The following ZNF385B variants were observed in gnomAD, a reference collection of about 807,000 sequenced individuals.
ZNF385B encodes zinc finger protein 533.
ZNF385B carries 23 observed loss-of-function variants against 39.2 expected under a neutral mutation model. The observed-to-expected ratio is 0.59, with a 90% CI of 0.42 to 0.83. ZNF385B has a LOEUF of 0.83. Ranked by LOEUF, ZNF385B falls within the 40% of genes least tolerant of loss-of-function variation. The pLI is 0.00. For synonymous variants in ZNF385B, 205 were observed against 222.6 expected (o/e 0.92, Z 0.70); for missense variants, 552 against 598.9 (o/e 0.92, Z 0.82).
chr2:179,761,378 T>C (rs774643213), intron 3 of ZNF385B, among the ~76,000 whole-genome samples: 1 of 152,222 alleles, frequency 6.6e-6, no homozygotes, highest in Non-Finnish European at 1.5e-5. Flanking sequence ...TCCTGATTTC[T>C]AAACACGTGG....
intron 3 of ZNF385B, among the ~76,000 whole-genome samples, chr2:179,579,740 T>C (rs1486933558): frequency 6.6e-6 from 1 of 152,152 alleles, no homozygotes; most frequent in African/African-American, 2.4e-5. Flanking sequence ...TGAATAGGAT[T>C]TGATATGTGC....
At chr2:179,644,998 T>A (rs553404658) in intron 3 of ZNF385B, among the ~76,000 whole-genome samples, 36 of 152,348 alleles carry the variant, frequency 2.4e-4, no homozygotes, top group African/African-American at 8.4e-4. Flanking sequence ...TTCCCATTAT[T>A]ATTTATTGGC....
chr2:179,795,539 G>GC (rs543226155), intron 1 of ZNF385B, among the ~76,000 whole-genome samples: 528 of 152,206 alleles, frequency 3.5e-3, no homozygotes, highest in South Asian at 7.5e-3. Flanking sequence ...CAAAGAGATA[G>GC]CCATAGCTTC....
At chr2:179,690,681 A>T (rs776495695) in intron 3 of ZNF385B, among the ~76,000 whole-genome samples, 5 of 152,184 alleles carry the variant, frequency 3.3e-5, no homozygotes, top group Non-Finnish European at 7.4e-5. Flanking sequence ...CATTTTCACC[A>T]CTTACTATGT....
At chr2:179,591,297 C>T (rs1043985412) in intron 3 of ZNF385B, among the ~76,000 whole-genome samples, 2 of 151,090 alleles carry the variant, frequency 1.3e-5, no homozygotes, top group Non-Finnish European at 2.9e-5. Flanking sequence ...TTTCAGCTTT[C>T]CAGTAGTTCT....
intron 1 of ZNF385B, among the ~76,000 whole-genome samples, chr2:179,831,829 T>C (rs1708003951): frequency 2.0e-5 from 3 of 152,228 alleles, no homozygotes. Flanking sequence ...CATCTGTCTC[T>C]TGAGATCTCA....
intron 5 of ZNF385B, among the ~76,000 whole-genome samples, chr2:179,494,773 G>A (rs1393875449): frequency 6.6e-6 from 1 of 151,962 alleles, no homozygotes; most frequent in Non-Finnish European, 1.5e-5. Flanking sequence ...ACATATATGT[G>A]TATTTTTTCT....
intron 1 of ZNF385B, among the ~76,000 whole-genome samples, chr2:179,804,501 G>A (rs1001806287): frequency 6.6e-6 from 1 of 152,284 alleles, no homozygotes; most frequent in East Asian, 1.9e-4. Flanking sequence ...AGCAGTGGGG[G>A]AGAAGGTACT....
chr2:179,829,979 G>A, intron 1 of ZNF385B, among the ~76,000 whole-genome samples: 1 of 152,160 alleles, frequency 6.6e-6, no homozygotes, highest in East Asian at 1.9e-4. Context: ...ACATATATGT[G>A]ATAAAGAACT....
At chr2:179,496,248 T>G (rs1326641262) in intron 5 of ZNF385B, among the ~76,000 whole-genome samples, 2 of 151,968 alleles carry the variant, frequency 1.3e-5, no homozygotes, top group Non-Finnish European at 2.9e-5. Context: ...AAGAAAGAAT[T>G]AGTGAGCTTG....
At chr2:179,463,756 T>C (rs2051645249) in intron 6 of ZNF385B, among the ~76,000 whole-genome samples, 1 of 152,242 alleles carries the variant, frequency 6.6e-6, no homozygotes, top group African/African-American at 2.4e-5. Flanking sequence ...CTAATATTGA[T>C]GAACATTTGG....
At chr2:179,790,219 A>G (rs1705245169) in intron 1 of ZNF385B, among the ~76,000 whole-genome samples, 2 of 152,200 alleles carry the variant, frequency 1.3e-5, no homozygotes, top group Non-Finnish European at 2.9e-5. Context: ...TTTGCTTTGG[A>G]AGATTTCTCC....
rs1238370180 is a variant in ZNF385B at position 179,538,352 on chromosome 2, C to T, written c.441+6475G>A. Among the ~76,000 whole-genome samples, 3 of 152,086 alleles carry T rather than the reference C, an allele frequency of 2.0e-5. No individual in the cohort carries two copies. The East Asian group carries it at 5.8e-4, about 29-fold the overall frequency. On this transcript the variant is annotated intron_variant, in intron 4 of 9. Coordinates refer to ENST00000410066, the MANE Select transcript of ZNF385B (RefSeq NM_152520.6). Reference sequence around the variant, plus strand: ...ATTAAATAGATAAAGATATTAAAGGCAGGGTAAAAAGTTAAATGTCCTAGC... The same window carrying T: ...ATTAAATAGATAAAGATATTAAAGGTAGGGTAAAAAGTTAAATGTCCTAGC...
chr2:179,511,316 G>A (rs1248498540), intron 5 of ZNF385B, among the ~76,000 whole-genome samples: 1 of 152,184 alleles, frequency 6.6e-6, no homozygotes, highest in Non-Finnish European at 1.5e-5. Context: ...CAGCACTAAG[G>A]CCTTCTAAAT....
chr2:179,577,323 C>A (rs1185935432), intron 3 of ZNF385B, among the ~76,000 whole-genome samples: 1 of 152,072 alleles, frequency 6.6e-6, no homozygotes, highest in Non-Finnish European at 1.5e-5. Flanking sequence ...ACTTCTAGTT[C>A]ATTAGAACTC....
intron 3 of ZNF385B, among the ~76,000 whole-genome samples, chr2:179,566,910 T>C (rs1684644061): frequency 1.3e-5 from 2 of 150,034 alleles, no homozygotes; most frequent in African/African-American, 4.9e-5. Flanking sequence ...TTTTCTTTTC[T>C]TTTCTTTTTT....
At chr2:179,852,282 G>C (rs1202297018) in intron 1 of ZNF385B, among the ~76,000 whole-genome samples, 1 of 152,210 alleles carries the variant, frequency 6.6e-6, no homozygotes, top group Non-Finnish European at 1.5e-5. Context: ...GGAAAAAGCA[G>C]CCTGCAGACT....
At chr2:179,588,331 G>A (rs1687268151) in intron 3 of ZNF385B, among the ~76,000 whole-genome samples, 1 of 152,102 alleles carries the variant, frequency 6.6e-6, no homozygotes, top group African/African-American at 2.4e-5. Context: ...CTCGTGATCC[G>A]CCCGCCTCGT....
intron 4 of ZNF385B, among the ~76,000 whole-genome samples, chr2:179,537,758 C>CAAAAA (rs775747223): frequency 4.0e-5 from 4 of 99,820 alleles, no homozygotes; most frequent in African/African-American, 4.4e-5. Context: ...AACAAACAAA[C>CAAAAA]AAACAAACAA....
Sources: allele counts gnomAD v4.1 joint callset (sites outside exome capture counted in the v4.1 genomes callset), GRCh38; gene constraint gnomAD v4.1.1; transcripts MANE v1.5; gene names NCBI Gene and HGNC (gene_info 2026-07-23, HGNC 2026-07-21).